The following TMEM131 variants were observed in gnomAD, a reference collection of about 807,000 sequenced individuals.
TMEM131 encodes transmembrane protein 131.
In TMEM131, 66 loss-of-function variants were observed where a neutral mutation model predicts 211.6. That is an observed-to-expected ratio of 0.31 (90% CI 0.26 to 0.38). The LOEUF is 0.38. Among genes scored for constraint, TMEM131 ranks in the 10% least tolerant of loss-of-function variants. The pLI is 1.00. For synonymous variants in TMEM131, 844 were observed against 841.3 expected (o/e 1.00, Z -0.06); for missense variants, 2,036 against 2,299.3 (o/e 0.89, Z 2.34).
chr2:97,876,715 G>T (rs1559417744), intron 4 of TMEM131, among the ~76,000 whole-genome samples: 1 of 152,082 alleles, frequency 6.6e-6, no homozygotes, highest in African/African-American at 2.4e-5. Flanking sequence ...AATAATAAAA[G>T]CTATTTATGA....
In TMEM131 at chr2:97,992,924, C is replaced by A. The variant is rs533481670; in HGVS notation, c.187+2552G>T. 3.9e-4 allele frequency among the ~76,000 whole-genome samples: 59 copies of A among 152,282 alleles called. 1 individual carries two copies. Among genetic ancestry groups the A allele is most frequent in the Non-Finnish European group, 3.1e-4 (21 of 68,006 alleles). Reference sequence around the variant, plus strand: ...TACAAACTTTACATCACAGCCAAAACCATCTCAAAGGTACCTTTCCTCTGG... The same window carrying A: ...TACAAACTTTACATCACAGCCAAAAACATCTCAAAGGTACCTTTCCTCTGG... On this transcript the variant is annotated intron_variant, in intron 1 of 40. Coordinates refer to ENST00000186436, the MANE Select transcript of TMEM131 (RefSeq NM_015348.2).
At chr2:97,878,115 G>A (rs1375576176) in intron 4 of TMEM131, among the ~76,000 whole-genome samples, 2 of 152,150 alleles carry the variant, frequency 1.3e-5, no homozygotes, top group Admixed American at 6.5e-5. Flanking sequence ...ATCATCACTG[G>A]TCATTAGAGA....
At chr2:97,832,635 GAAGTT>G (rs370651393) in intron 11 of TMEM131, among the ~76,000 whole-genome samples, 2 of 152,320 alleles carry the variant, frequency 1.3e-5, no homozygotes, top group African/African-American at 4.8e-5. Flanking sequence ...TCAGTTCACT[GAAGTT>G]AAGTTTCTGG....
At chr2:97,839,504 T>C (rs530303851) in intron 7 of TMEM131, among the ~76,000 whole-genome samples, 1 of 152,352 alleles carries the variant, frequency 6.6e-6, no homozygotes, top group South Asian at 2.1e-4. Context: ...TTATTTTTAG[T>C]CCAGTGCTAT....
intron 2 of TMEM131, among the ~76,000 whole-genome samples, chr2:97,925,070 C>T (rs1377816720): frequency 6.6e-6 from 1 of 152,048 alleles, no homozygotes; most frequent in East Asian, 1.9e-4. Context: ...CAAGGTTTCC[C>T]TACATTTCCC....
At chr2:97,972,071 G>A (rs1202679432) in intron 1 of TMEM131, among the ~76,000 whole-genome samples, 1 of 151,928 alleles carries the variant, frequency 6.6e-6, no homozygotes, top group Non-Finnish European at 1.5e-5. Flanking sequence ...AGCCGGGAGT[G>A]GTGCCACATG....
chr2:97,767,044 A>G (rs1679203152), intron 33 of TMEM131, among the ~76,000 whole-genome samples: 1 of 152,138 alleles, frequency 6.6e-6, no homozygotes, highest in Non-Finnish European at 1.5e-5. Context: ...CACATCTATA[A>G]CATTAGAGAC....
intron 1 of TMEM131, among the ~76,000 whole-genome samples, chr2:97,982,161 C>G (rs1679826105): frequency 6.6e-6 from 1 of 152,216 alleles, no homozygotes; most frequent in African/African-American, 2.4e-5. Context: ...ACAAGACATT[C>G]CAATGTCTCC....
At chr2:97,835,680 T>G (rs570475514) in intron 8 of TMEM131, among the ~76,000 whole-genome samples, 4 of 152,166 alleles carry the variant, frequency 2.6e-5, no homozygotes, top group African/African-American at 9.7e-5. Flanking sequence ...CTCTCTTTTT[T>G]AGTCCCAAAG....
intron 31 of TMEM131, among the ~76,000 whole-genome samples, chr2:97,788,779 C>T (rs768427350): frequency 7.2e-5 from 11 of 152,214 alleles, no homozygotes; most frequent in African/African-American, 1.2e-4. Flanking sequence ...ATTGTGGTCA[C>T]GTCTGAAACC....
intron 40 of TMEM131, among the ~76,000 whole-genome samples, chr2:97,757,786 C>T (rs772301962): frequency 3.9e-5 from 6 of 152,250 alleles, no homozygotes; most frequent in African/African-American, 7.2e-5. Context: ...AACACAGCTG[C>T]GCCCATCGGC....
intron 2 of TMEM131, chr2:97,913,250 C>T (rs1476093351): frequency 2.0e-5 from 3 of 152,134 alleles, no homozygotes; most frequent in Non-Finnish European, 4.4e-5. Context: ...TGGTCCAAAA[C>T]GTACACAGGC....
Position 97,797,462 on chromosome 2 carries a change from T to C in TMEM131, c.2773A>G (p.Ile925Val). The part of the protein sequence containing the change: ...GFMEGLSRHL[I>V]LNLILKPGEK... ...CCAGGTTTTAAAATTAGGTTTAAAATTAAATGTCGAGAGAGGCCCTCCATA... is the reference window on the plus strand; with the variant it reads ...CCAGGTTTTAAAATTAGGTTTAAAACTAAATGTCGAGAGAGGCCCTCCATA... The change falls in exon 26 of 41, where the codon ATT (isoleucine) becomes GTT (valine). Residue 925 changes from isoleucine to valine, a missense_variant. By Grantham distance (29) the Ile-to-Val change is conservative. This residue lies in a region of TMEM131 where 1,623 missense variants were observed against 1,805.9 expected (regional missense o/e 0.90). Coordinates refer to ENST00000186436, the MANE Select transcript of TMEM131 (RefSeq NM_015348.2). 6.2e-7 allele frequency: 1 copy of C among 1,613,534 alleles called. No individual in the cohort carries two copies.
chr2:97,953,751 C>T (rs922431378), intron 1 of TMEM131, among the ~76,000 whole-genome samples: 2 of 152,128 alleles, frequency 1.3e-5, no homozygotes, highest in South Asian at 4.1e-4. Context: ...CAGACCATAC[C>T]CTGGGTCATA....
chr2:97,851,782 A>C (rs1209906403), intron 5 of TMEM131, among the ~76,000 whole-genome samples: 2 of 152,176 alleles, frequency 1.3e-5, no homozygotes, highest in African/African-American at 4.8e-5. Context: ...TGCTCCACCA[A>C]CTGCTGTTCT....
At chr2:97,910,489 T>C (rs192249795) in intron 2 of TMEM131, among the ~76,000 whole-genome samples, 1 of 152,140 alleles carries the variant, frequency 6.6e-6, no homozygotes, top group African/African-American at 2.4e-5. Context: ...CAAATGCCCA[T>C]TGACAGGTGA....
At chr2:97,819,644 C>T (rs1285215741) in intron 11 of TMEM131, among the ~76,000 whole-genome samples, 2 of 152,146 alleles carry the variant, frequency 1.3e-5, no homozygotes, top group African/African-American at 4.8e-5. Context: ...AATAATCTTC[C>T]TTTATGATTA....
At chr2:97,776,062 T>C in intron 31 of TMEM131, 44 bp from the exon 32 acceptor site, 3 of 1,242,814 alleles carry the variant, frequency 2.4e-6, no homozygotes, top group African/African-American at 1.6e-5. Context: ...TTTTTGTTTC[T>C]TTTTTTTTTG....
intron 29 of TMEM131, among the ~76,000 whole-genome samples, chr2:97,794,072 CTTTT>C (rs1172357837): frequency 1.5e-5 from 2 of 137,432 alleles, no homozygotes; most frequent in African/African-American, 5.4e-5. Flanking sequence ...CTCTTTCTTT[CTTTT>C]TTTTCCTGAG....
Sources: allele counts gnomAD v4.1 joint callset (sites outside exome capture counted in the v4.1 genomes callset), GRCh38; gene constraint gnomAD v4.1.1; regional missense constraint gnomAD v4.1.1; transcripts MANE v1.5; gene names NCBI Gene and HGNC (gene_info 2026-07-23, HGNC 2026-07-21).